Variants in SCN11A observed in about 807,000 individuals in gnomAD.
SCN11A encodes the protein sodium channel protein type 11 subunit alpha.
SCN11A carries 122 observed loss-of-function variants against 162.2 expected under a neutral mutation model. The ratio of observed to expected loss-of-function variants is 0.75; its 90% CI spans 0.65 to 0.87. SCN11A has a LOEUF of 0.87. SCN11A is among the 40% of genes least tolerant of loss of function. The pLI, the probability that SCN11A is intolerant of heterozygous loss-of-function variation, is 0.00. For synonymous variants in SCN11A, 758 were observed against 751.5 expected (o/e 1.01, Z -0.14); for missense variants, 2,015 against 2,181.6 (o/e 0.92, Z 1.52).
At chr3:38,915,240 A>C (rs2065943336) in intron 11 of SCN11A, among the ~76,000 whole-genome samples, 1 of 152,100 alleles carries the variant, frequency 6.6e-6, no homozygotes, top group Non-Finnish European at 1.5e-5. Context: ...TTGTGTGCTT[A>C]GAGGTGTTTT....
chr3:39,041,129 C>T (rs1486349726), intron 1 of SCN11A, among the ~76,000 whole-genome samples: 2 of 151,946 alleles, frequency 1.3e-5, no homozygotes, highest in Non-Finnish European at 2.9e-5. Flanking sequence ...GGAGACAGGT[C>T]TTTTGAAATA....
intron 2 of SCN11A, among the ~76,000 whole-genome samples, chr3:39,020,079 C>T (rs2031407742): frequency 1.3e-5 from 2 of 152,132 alleles, no homozygotes; most frequent in African/African-American, 4.8e-5. Flanking sequence ...AAGTATTTAA[C>T]CTAAGGCTCA....
intron 2 of SCN11A, among the ~76,000 whole-genome samples, chr3:38,996,194 G>A (rs1435256025): frequency 2.0e-5 from 3 of 152,064 alleles, no homozygotes; most frequent in Admixed American, 6.6e-5. Flanking sequence ...GTGATATTTT[G>A]TCATAGAAGC....
intron 2 of SCN11A, among the ~76,000 whole-genome samples, chr3:38,977,810 CCA>C: frequency 6.6e-6 from 1 of 152,224 alleles, no homozygotes; most frequent in South Asian, 2.1e-4. Context: ...AGCAGATAAG[CCA>C]TTCTTTCAAA....
At chr3:39,051,118 TTG>T (rs1491165969) in intron 1 of SCN11A, among the ~76,000 whole-genome samples, 2 of 147,414 alleles carry the variant, frequency 1.4e-5, no homozygotes, top group Admixed American at 1.3e-4. Flanking sequence ...TCTTTTTGTC[TTG>T]TTTTTTTTTT....
intron 2 of SCN11A, among the ~76,000 whole-genome samples, chr3:38,995,799 G>GTCTATCTATCTATCTATGTGTCTA (rs2030610051): frequency 7.6e-6 from 1 of 131,380 alleles, no homozygotes; most frequent in Non-Finnish European, 1.6e-5. Context: ...ACAATAAATT[G>GTCTATCTATCTATCTATGTGTCTA]TCTATCTATC....
At chr3:38,858,726 C>T (rs1277006756) in intron 28 of SCN11A, among the ~76,000 whole-genome samples, 2 of 152,116 alleles carry the variant, frequency 1.3e-5, no homozygotes, top group African/African-American at 4.8e-5. Flanking sequence ...TTCATCAGCA[C>T]ATGGAGCATT....
At chr3:39,014,720 C>G (rs924258549) in intron 2 of SCN11A, among the ~76,000 whole-genome samples, 2 of 152,048 alleles carry the variant, frequency 1.3e-5, no homozygotes, top group Non-Finnish European at 2.9e-5. Flanking sequence ...GAATAGGAAT[C>G]CTATAAATCC....
intron 2 of SCN11A, among the ~76,000 whole-genome samples, chr3:39,024,004 A>G (rs1046777592): frequency 6.6e-6 from 1 of 152,118 alleles, no homozygotes; most frequent in Non-Finnish European, 1.5e-5. Context: ...TTCTGTCTCC[A>G]TGGAGGAGTA....
At chr3:38,956,330 A>C (rs2066681560) in intron 3 of SCN11A, among the ~76,000 whole-genome samples, 1 of 152,214 alleles carries the variant, frequency 6.6e-6, no homozygotes, top group South Asian at 2.1e-4. Flanking sequence ...TATTTAAACT[A>C]TAAAGAAAAT....
intron 2 of SCN11A, among the ~76,000 whole-genome samples, chr3:38,962,703 C>G (rs2066749130): frequency 6.6e-6 from 1 of 151,968 alleles, no homozygotes; most frequent in African/African-American, 2.4e-5. Flanking sequence ...CAAAAATTAG[C>G]TGGGCATGGT....
At chr3:38,974,560 C>T (rs1420932940) in intron 2 of SCN11A, among the ~76,000 whole-genome samples, 1 of 151,634 alleles carries the variant, frequency 6.6e-6, no homozygotes. Context: ...CCAGGCATGG[C>T]AGCAGGCGCC....
chr3:38,882,222 A>G (rs1331232773), intron 22 of SCN11A, among the ~76,000 whole-genome samples: 2 of 152,314 alleles, frequency 1.3e-5, no homozygotes, highest in East Asian at 3.9e-4. Flanking sequence ...GGGCTCTGGT[A>G]TGTATTCATC....
intron 13 of SCN11A, 120 bp from the exon 14 acceptor site, chr3:38,908,242 G>T: frequency 8.5e-6 from 7 of 823,184 alleles, no homozygotes; most frequent in Non-Finnish European, 1.4e-5. Context: ...CATTTAAATT[G>T]CTCATCATCT....
chr3:38,961,459 G>A (rs1417343898), intron 2 of SCN11A, among the ~76,000 whole-genome samples: 1 of 152,198 alleles, frequency 6.6e-6, no homozygotes, highest in Non-Finnish European at 1.5e-5. Flanking sequence ...AACCACAGAC[G>A]TGGGATCAGC....
chr3:39,025,376 A>T (rs906742573), intron 2 of SCN11A, among the ~76,000 whole-genome samples: 1 of 152,250 alleles, frequency 6.6e-6, no homozygotes, highest in Non-Finnish European at 1.5e-5. Context: ...AAGAAAGTAA[A>T]GGAATAAAAG....
At chr3:38,877,165 CTATATATATGG>C (rs1231482008) in intron 23 of SCN11A, among the ~76,000 whole-genome samples, 123 of 87,208 alleles carry the variant, frequency 1.4e-3, no homozygotes, top group African/African-American at 5.1e-3. Flanking sequence ...GGTGTATATA[CTATATATATGG>C]TATATATATG....
chr3:38,984,471 A>T (rs1421779080), intron 2 of SCN11A, among the ~76,000 whole-genome samples: 1 of 151,884 alleles, frequency 6.6e-6, no homozygotes, highest in Non-Finnish European at 1.5e-5. Context: ...TTGATATTGA[A>T]TTGTCAAGGA....
intron 3 of SCN11A, among the ~76,000 whole-genome samples, 69 bp downstream of exon 3, chr3:38,960,214 C>T (rs960331674): frequency 6.6e-6 from 1 of 152,148 alleles, no homozygotes; most frequent in African/African-American, 2.4e-5. Context: ...AAAAACAAAC[C>T]AAGTTCCAGG....
Sources: gnomAD v4.1 joint callset for allele counts (sites outside exome capture counted in the v4.1 genomes callset) on GRCh38, gnomAD v4.1.1 for gene constraint, MANE v1.5 for transcripts, NCBI Gene and HGNC (gene_info 2026-07-23, HGNC 2026-07-21) for gene names.